LRP1B: variants seen among roughly 807,000 people sequenced by gnomAD.
LRP1B encodes LDL receptor related protein 1B, also known as low-density lipoprotein receptor-related protein 1B.
Under a neutral mutation model 556.6 loss-of-function variants are expected in LRP1B, and 217 were observed. The observed-to-expected ratio is 0.39, with a 90% CI of 0.35 to 0.44. LRP1B has a LOEUF of 0.44. Ranked by LOEUF, LRP1B falls within the 20% of genes least tolerant of loss-of-function variation. The pLI, the probability that LRP1B is intolerant of heterozygous loss-of-function variation, is 1.00. For synonymous variants in LRP1B, 2,047 were observed against 1,865.8 expected (o/e 1.10, Z -2.50); for missense variants, 5,053 against 5,620.8 (o/e 0.90, Z 3.23).
intron 1 of LRP1B, among the ~76,000 whole-genome samples, chr2:141,981,817 T>C (rs1418348836): frequency 6.6e-6 from 1 of 152,144 alleles, no homozygotes; most frequent in African/African-American, 2.4e-5. Flanking sequence ...ATGCTTGTCT[T>C]TCTTTTCTAG....
intron 32 of LRP1B, among the ~76,000 whole-genome samples, chr2:140,812,159 T>G (rs1243986116): frequency 6.6e-6 from 1 of 152,114 alleles, no homozygotes; most frequent in African/African-American, 2.4e-5. Flanking sequence ...AATTCCCAAC[T>G]AGGGAAACGT....
At chr2:141,501,923 T>C (rs1400843837) in intron 2 of LRP1B, among the ~76,000 whole-genome samples, 1 of 152,128 alleles carries the variant, frequency 6.6e-6, no homozygotes. Flanking sequence ...GCTTTTTTTT[T>C]TCCTGTCTGT....
At chr2:140,450,750 A>G in intron 62 of LRP1B, 89 bp from the exon 63 acceptor site, 1 of 805,570 alleles carries the variant, frequency 1.2e-6, no homozygotes, top group Non-Finnish European at 2.0e-6. Context: ...AGCCTAGTCT[A>G]CTTTTTTGCT....
intron 41 of LRP1B, among the ~76,000 whole-genome samples, chr2:140,632,767 A>G (rs1683932591): frequency 6.6e-6 from 1 of 152,202 alleles, no homozygotes; most frequent in Admixed American, 6.5e-5. Flanking sequence ...GTTGTCTACA[A>G]GAACCCCACA....
intron 7 of LRP1B, among the ~76,000 whole-genome samples, chr2:141,079,583 C>A (rs1271526392): frequency 6.6e-6 from 1 of 152,178 alleles, no homozygotes; most frequent in Non-Finnish European, 1.5e-5. Context: ...AAGCCTTAAT[C>A]TTTAGTTTCC....
At chr2:140,424,626 T>C (rs1287974029) in intron 66 of LRP1B, among the ~76,000 whole-genome samples, 1 of 152,202 alleles carries the variant, frequency 6.6e-6, no homozygotes, top group Non-Finnish European at 1.5e-5. Context: ...GAATTCCCTT[T>C]AGAGTACATG....
chr2:141,315,882 CTTTTTTTTTTTTTTTTTTTTT>C (rs70991157), intron 3 of LRP1B, among the ~76,000 whole-genome samples: 4 of 18,116 alleles, frequency 2.2e-4, no homozygotes, highest in South Asian at 3.4e-3. Context: ...TTAGTCTGGT[CTTTTTTTTTTTTTTTTTTTTT>C]TTTTTTTTTT....
intron 21 of LRP1B, among the ~76,000 whole-genome samples, chr2:140,912,409 TTAA>T (rs1488578994): frequency 6.6e-6 from 1 of 151,656 alleles, no homozygotes; most frequent in African/African-American, 2.4e-5. Context: ...TAAGTAGTTA[TTAA>T]TAATAGTAAA....
intron 6 of LRP1B, chr2:141,208,523 C>A (rs1253899830): frequency 1.3e-5 from 2 of 152,188 alleles, no homozygotes; most frequent in Non-Finnish European, 2.9e-5. Flanking sequence ...TATCTCCTTG[C>A]ATATGCAGGC....
chr2:140,478,507 G>T (rs897503669), intron 59 of LRP1B, among the ~76,000 whole-genome samples: 1 of 152,078 alleles, frequency 6.6e-6, no homozygotes, highest in South Asian at 2.1e-4. Context: ...AGCTTCCCCT[G>T]ATAAAGTGAT....
At chr2:140,338,473 T>G (rs1681210464) in intron 77 of LRP1B, among the ~76,000 whole-genome samples, 1 of 151,678 alleles carries the variant, frequency 6.6e-6, no homozygotes, top group African/African-American at 2.4e-5. Flanking sequence ...ATTAACCTAC[T>G]CTCAACCTAT....
At chr2:141,009,800 AG>A (rs1186349943) in intron 14 of LRP1B, among the ~76,000 whole-genome samples, 1 of 152,042 alleles carries the variant, frequency 6.6e-6, no homozygotes, top group East Asian at 1.9e-4. Context: ...TGACCAAAAA[AG>A]ATTCACATTC....
chr2:140,467,448 T>TTA (rs900635407), intron 60 of LRP1B, among the ~76,000 whole-genome samples: 2 of 135,714 alleles, frequency 1.5e-5, no homozygotes, highest in Non-Finnish European at 1.6e-5. Context: ...TAGTAAAAAT[T>TTA]AAAAAAAAAA....
intron 1 of LRP1B, among the ~76,000 whole-genome samples, chr2:141,981,863 A>T (rs1226798786): frequency 6.6e-6 from 1 of 152,016 alleles, no homozygotes; most frequent in East Asian, 1.9e-4. Context: ...TCTTTCCCCT[A>T]CTTCCCTGCT....
At chr2:140,901,857 A>T (rs534704399) in intron 23 of LRP1B, among the ~76,000 whole-genome samples, 1 of 152,090 alleles carries the variant, frequency 6.6e-6, no homozygotes, top group South Asian at 2.1e-4. Flanking sequence ...TTTGTCTTGG[A>T]AAAAGTTGAA....
intron 6 of LRP1B, among the ~76,000 whole-genome samples, chr2:141,225,188 A>T (rs1229208160): frequency 6.6e-6 from 1 of 152,126 alleles, no homozygotes; most frequent in Non-Finnish European, 1.5e-5. Flanking sequence ...AGCTAGGTAT[A>T]CTCTACTGGA....
intron 7 of LRP1B, among the ~76,000 whole-genome samples, chr2:141,109,178 T>A (rs962979998): frequency 2.0e-5 from 3 of 152,064 alleles, no homozygotes; most frequent in Admixed American, 2.0e-4. Context: ...TGTGACTGCA[T>A]CCCCAACAAA....
chr2:141,515,875 A>G (rs1176225913), intron 2 of LRP1B, among the ~76,000 whole-genome samples: 1 of 152,226 alleles, frequency 6.6e-6, no homozygotes, highest in Non-Finnish European at 1.5e-5. Flanking sequence ...TCTCATGCAT[A>G]GAACGGTGGG....
intron 1 of LRP1B, among the ~76,000 whole-genome samples, chr2:141,884,335 A>G (rs553085841): frequency 1.3e-5 from 2 of 152,304 alleles, no homozygotes; most frequent in East Asian, 3.9e-4. Flanking sequence ...TGATCGTACC[A>G]CTGCACTTCA....
Sources: allele counts gnomAD v4.1 joint callset (sites outside exome capture counted in the v4.1 genomes callset), GRCh38; gene constraint gnomAD v4.1.1; transcripts MANE v1.5; gene names NCBI Gene and HGNC (gene_info 2026-07-23, HGNC 2026-07-21).